NBEA: variants seen among roughly 807,000 people sequenced by gnomAD.
The protein encoded by NBEA is lysosomal-trafficking regulator 2.
Under a neutral mutation model 343.4 loss-of-function variants are expected in NBEA, and 44 were observed. The observed-to-expected ratio is 0.13, with a 90% CI of 0.10 to 0.16. The LOEUF is 0.16. Among genes scored for constraint, NBEA ranks in the 10% least tolerant of loss-of-function variants. The pLI, the probability that NBEA is intolerant of heterozygous loss-of-function variation, is 1.00. For synonymous variants in NBEA, 1,175 were observed against 1,238.7 expected, an observed-to-expected ratio of 0.95 and a Z score of 1.08; for missense variants, 2,555 against 3,631.3, an observed-to-expected ratio of 0.70 and a Z score of 7.62.
intron 17 of NBEA, among the ~76,000 whole-genome samples, chr13:35,135,925 A>G (rs2067700644): frequency 6.6e-6 from 1 of 151,974 alleles, no homozygotes; most frequent in Admixed American, 6.6e-5. Flanking sequence ...CCCCCCTCAA[A>G]AAAAAGAAAA....
At chr13:35,014,967 G>C (rs971692429) in intron 1 of NBEA, among the ~76,000 whole-genome samples, 2 of 151,618 alleles carry the variant, frequency 1.3e-5, no homozygotes, top group Non-Finnish European at 1.5e-5. Context: ...ACAGCTGCAG[G>C]TGTAGTACTG....
intron 18 of NBEA, among the ~76,000 whole-genome samples, chr13:35,148,242 C>T (rs2068557372): frequency 6.6e-6 from 1 of 152,108 alleles, no homozygotes; most frequent in Non-Finnish European, 1.5e-5. Flanking sequence ...TGGGTGTACT[C>T]AAGAGAAAGA....
At chr13:35,218,368 C>T (rs565459560) in intron 33 of NBEA, among the ~76,000 whole-genome samples, 1 of 152,004 alleles carries the variant, frequency 6.6e-6, no homozygotes, top group African/African-American at 2.4e-5. Context: ...GAAATGTTAA[C>T]TCACTTATTA....
intron 34 of NBEA, among the ~76,000 whole-genome samples, chr13:35,262,446 A>G (rs1271098604): frequency 1.3e-5 from 2 of 152,216 alleles, no homozygotes; most frequent in Non-Finnish European, 2.9e-5. Context: ...TCATGAATAA[A>G]CAAACCATGA....
rs771271035 is a variant in NBEA, at chr13:35,015,127, G to GAAAAA, written c.295-25798_295-25794dup. On this transcript the variant is annotated intron_variant, in intron 1 of 58. Coordinates refer to ENST00000379939, the MANE Select transcript of NBEA (RefSeq NM_001385012.1). The stretch of plus-strand genomic sequence containing the variant: ...TTCTCAACAAAAAGCAACGAGATCT[G>GAAAAA]AAAAAAAAAAAACAAACAAAAAAAA... Among the ~76,000 whole-genome samples the GAAAAA allele has an allele frequency of 1.3e-3, 23 of 18,322 alleles. 6 individuals carry two copies. Among genetic ancestry groups the GAAAAA allele is most frequent in the Admixed American group, 4.2e-3 (4 of 954 alleles). The allele number at this position is 18,322 out of a possible 152,430, so 12.0% of individuals were successfully genotyped here.
intron 41 of NBEA, among the ~76,000 whole-genome samples, chr13:35,497,215 G>A (rs565714282): frequency 6.6e-6 from 1 of 152,010 alleles, no homozygotes; most frequent in Non-Finnish European, 1.5e-5. Flanking sequence ...CCTTCTGTAG[G>A]AGAAATTGAG....
chr13:35,408,732 T>C (rs1222603510), intron 38 of NBEA, among the ~76,000 whole-genome samples: 1 of 151,960 alleles, frequency 6.6e-6, no homozygotes, highest in African/African-American at 2.4e-5. Flanking sequence ...ATGTAGCCAA[T>C]AATCATATGA....
chr13:35,379,709 A>C (rs1395778453), intron 38 of NBEA, among the ~76,000 whole-genome samples: 5 of 56,694 alleles, frequency 8.8e-5, no homozygotes, highest in African/African-American at 1.8e-4. Flanking sequence ...AGTCAGGATT[A>C]CTTTTTTTTT....
chr13:35,183,939 T>C (rs772259399), intron 29 of NBEA, 37 bp from the exon 30 acceptor site: 3 of 1,522,834 alleles, frequency 2.0e-6, no homozygotes, highest in Admixed American at 1.7e-5. Context: ...GGTTGTTACA[T>C]GCTGGCTCAA....
chr13:35,265,012 A>T (rs2033551251), intron 34 of NBEA, among the ~76,000 whole-genome samples: 1 of 151,934 alleles, frequency 6.6e-6, no homozygotes, highest in African/African-American at 2.4e-5. Flanking sequence ...AAAAACTATT[A>T]GAACTAATAA....
chr13:35,267,511 CATA>C (rs1421351199), intron 34 of NBEA, among the ~76,000 whole-genome samples: 1 of 151,768 alleles, frequency 6.6e-6, no homozygotes, highest in African/African-American at 2.4e-5. Flanking sequence ...AATTAGATGT[CATA>C]ATAATTTTAG....
chr13:35,496,397 G>A (rs2076676089), intron 41 of NBEA, among the ~76,000 whole-genome samples: 1 of 151,908 alleles, frequency 6.6e-6, no homozygotes, highest in South Asian at 2.1e-4. Flanking sequence ...TACTTTGATT[G>A]GCTGAGGCAG....
At chr13:35,086,899 C>G (rs1023844129) in intron 10 of NBEA, among the ~76,000 whole-genome samples, 1 of 151,748 alleles carries the variant, frequency 6.6e-6, no homozygotes, top group Admixed American at 6.6e-5. Flanking sequence ...TATGCTTAGT[C>G]ATGTTGAATA....
rs2152741844 is a variant in NBEA, at chr13:35,195,889, C to T, written c.4953C>T (p.Thr1651=). 1 of 1,605,882 alleles carries T rather than the reference C, an allele frequency of 6.2e-7. No homozygotes were observed. The highest frequency in any genetic ancestry group is 8.5e-7 in the Non-Finnish European group (1 of 1,177,568). The change falls in exon 31 of 59, where the codon ACC becomes ACT. Residue 1651 remains threonine (T), a synonymous_variant. Transcript: ENST00000379939. ...YKETPAAFPD[T]IKEKETPTPG... Reference sequence around the variant, plus strand: ...AAACACCTGCTGCATTTCCAGACACCATAAAAGAAAAAGAAACACCAACTC... The same window carrying T: ...AAACACCTGCTGCATTTCCAGACACTATAAAAGAAAAAGAAACACCAACTC...
chr13:35,267,809 C>T (rs1353892670), intron 34 of NBEA, among the ~76,000 whole-genome samples: 1 of 150,400 alleles, frequency 6.6e-6, no homozygotes, highest in Admixed American at 6.6e-5. Context: ...CACCTCACAC[C>T]ATTAGGATGG....
intron 35 of NBEA, among the ~76,000 whole-genome samples, chr13:35,302,648 A>G (rs1023773709): frequency 7.9e-5 from 12 of 152,134 alleles, no homozygotes; most frequent in African/African-American, 1.2e-4. Context: ...GAACCTAGGG[A>G]AAAAAATGCA....
chr13:35,339,314 GAT>G (rs1566638002), intron 36 of NBEA, among the ~76,000 whole-genome samples: 1 of 151,538 alleles, frequency 6.6e-6, no homozygotes, highest in African/African-American at 2.4e-5. Context: ...AAAATGGCAG[GAT>G]ATGAGACCAA....
chr13:35,293,577 AC>A (rs1336388506), intron 35 of NBEA, among the ~76,000 whole-genome samples: 1 of 152,044 alleles, frequency 6.6e-6, no homozygotes, highest in Non-Finnish European at 1.5e-5. Flanking sequence ...CAGGTCTGAT[AC>A]TATCTTCTAT....
At chr13:35,116,357 C>T (rs17051873) in intron 13 of NBEA, among the ~76,000 whole-genome samples, 2,399 of 151,988 alleles carry the variant, frequency 0.016, 66 homozygotes, top group African/African-American at 0.049. Flanking sequence ...CATGATAATT[C>T]GTTAAGTTGT....
Sources: gnomAD v4.1 joint callset for allele counts (sites outside exome capture counted in the v4.1 genomes callset) on GRCh38, gnomAD v4.1.1 for gene constraint, MANE v1.5 for transcripts, NCBI Gene and HGNC (gene_info 2026-07-23, HGNC 2026-07-21) for gene names.